WWC2: variants seen among roughly 807,000 people sequenced by gnomAD.
WWC2 encodes the protein WW and C2 domain containing 2.
In WWC2, 101 loss-of-function variants were observed where a neutral mutation model predicts 138.5. That is an observed-to-expected ratio of 0.73 (90% CI 0.62 to 0.86). The LOEUF (loss-of-function observed/expected upper bound fraction) is 0.86, where lower values mean the gene tolerates loss of function less well. Among genes scored for constraint, WWC2 ranks in the 40% least tolerant of loss-of-function variants. The probability of loss-of-function intolerance (pLI) is 0.00; values close to 1 mark genes in which losing one functional copy is unlikely to be tolerated. For synonymous variants in WWC2, 558 were observed against 538.4 expected (o/e 1.04, Z -0.50); for missense variants, 1,420 against 1,419.4 (o/e 1.00, Z -0.01).
At chr4:183,189,910 A>G (rs1284119964) in intron 1 of WWC2, among the ~76,000 whole-genome samples, 1 of 152,194 alleles carries the variant, frequency 6.6e-6, no homozygotes, top group Non-Finnish European at 1.5e-5. Context: ...GTGGCATCTC[A>G]TGTCGTAGGA....
At chr4:183,221,020 T>C (rs552615534) in intron 4 of WWC2, among the ~76,000 whole-genome samples, 3 of 152,226 alleles carry the variant, frequency 2.0e-5, no homozygotes, top group Admixed American at 2.0e-4. Context: ...GCAAAGATTA[T>C]CAGAATGGTT....
intron 19 of WWC2, 106 bp downstream of exon 19, chr4:183,284,496 A>G (rs1423376533): frequency 2.4e-6 from 3 of 1,256,600 alleles, no homozygotes; most frequent in East Asian, 4.7e-5. Context: ...AGTCCACATG[A>G]CAACGACAAA....
In WWC2 at chr4:183,164,389, TATATACATATATATTATATATA is replaced by T. The variant is rs1561444055; in HGVS notation, c.132-29204_132-29183del. 3.1e-3 allele frequency among the ~76,000 whole-genome samples: 5 copies of T among 1,620 alleles called. 1 individual carries two copies. The highest frequency in any genetic ancestry group is 4.9e-3 in the African/African-American group (5 of 1,030). 1.1% of individuals were successfully genotyped at this position (1,620 alleles called of 152,430 possible). Reference sequence around the variant, plus strand: ...ATATTATATATACATATATATATTATATATACATATATATTATATATAATATATATATTTTTATATATATTTT... The same window carrying T: ...ATATTATATATACATATATATATTATATATATATATTTTTATATATATTTT... On this transcript the variant is annotated intron_variant, in intron 1 of 22. Coordinates refer to ENST00000403733, the MANE Select transcript of WWC2 (RefSeq NM_024949.6).
At chr4:183,134,905 A>T (rs908899793) in intron 1 of WWC2, among the ~76,000 whole-genome samples, 7 of 152,096 alleles carry the variant, frequency 4.6e-5, no homozygotes, top group Non-Finnish European at 7.4e-5. Context: ...TATTTAAATT[A>T]AAAAAATCTA....
intron 14 of WWC2, among the ~76,000 whole-genome samples, chr4:183,267,829 C>T (rs1032250274): frequency 6.6e-6 from 1 of 152,184 alleles, no homozygotes; most frequent in African/African-American, 2.4e-5. Flanking sequence ...TCCTTAAACC[C>T]ACATGTAAAA....
chr4:183,303,175 G>C (rs1179925686), intron 21 of WWC2, among the ~76,000 whole-genome samples: 1 of 152,058 alleles, frequency 6.6e-6, no homozygotes, highest in African/African-American at 2.4e-5. Flanking sequence ...TCATTAAATG[G>C]ATATGTATTA....
chr4:183,247,622 AC>A lies in WWC2; in HGVS notation c.733-1091del, dbSNP rs1560864714. 1.6e-3 allele frequency among the ~76,000 whole-genome samples: 212 copies of A among 130,682 alleles called. 1 individual carries two copies. Among genetic ancestry groups the A allele is most frequent in the African/African-American group, 6.9e-3 (204 of 29,534 alleles). 85.7% of individuals were successfully genotyped at this position (130,682 alleles called of 152,430 possible). On this transcript the variant is annotated intron_variant, in intron 6 of 22. Coordinates refer to ENST00000403733, the MANE Select transcript of WWC2 (RefSeq NM_024949.6). ...TATATATGCTATATATACTATATATACTATATACTATATATACTATATATAC... is the reference window on the plus strand; with the variant it reads ...TATATATGCTATATATACTATATATATATATACTATATATACTATATATAC...
At chr4:183,148,911 C>T (rs1733552217) in intron 1 of WWC2, among the ~76,000 whole-genome samples, 1 of 151,758 alleles carries the variant, frequency 6.6e-6, no homozygotes, top group Admixed American at 6.6e-5. Context: ...AGAATTTTGA[C>T]TTTTTAAAGT....
At chr4:183,280,242 T>TG (rs1738022950) in intron 16 of WWC2, among the ~76,000 whole-genome samples, 1 of 148,178 alleles carries the variant, frequency 6.7e-6, no homozygotes, top group Non-Finnish European at 1.5e-5. Flanking sequence ...TTTTTTTTTT[T>TG]TTTTTTTTTT....
At chr4:183,199,221 G>A (rs1482583621) in intron 2 of WWC2, among the ~76,000 whole-genome samples, 3 of 152,202 alleles carry the variant, frequency 2.0e-5, no homozygotes, top group Non-Finnish European at 4.4e-5. Context: ...GCAGCTGAAG[G>A]CTGGTGTGAC....
At chr4:183,288,115 G>A (rs1263863595) in intron 20 of WWC2, among the ~76,000 whole-genome samples, 1 of 152,180 alleles carries the variant, frequency 6.6e-6, no homozygotes, top group Non-Finnish European at 1.5e-5. Context: ...TTTGTAGAGA[G>A]GAGAGGGTAC....
intron 4 of WWC2, among the ~76,000 whole-genome samples, chr4:183,218,523 A>C (rs1560848841): frequency 6.6e-6 from 1 of 152,220 alleles, no homozygotes; most frequent in Admixed American, 6.5e-5. Flanking sequence ...ATATCTTCTA[A>C]TCTAGGAAGA....
At chr4:183,262,447 G>C (rs759426080) in intron 11 of WWC2, among the ~76,000 whole-genome samples, 5 of 152,202 alleles carry the variant, frequency 3.3e-5, no homozygotes, top group Non-Finnish European at 7.3e-5. Flanking sequence ...ATTTTTATTT[G>C]TATGTATGGT....
chr4:183,268,811 A>G (rs1035924046), intron 14 of WWC2, among the ~76,000 whole-genome samples, 160 bp from the exon 15 acceptor site: 1 of 152,178 alleles, frequency 6.6e-6, no homozygotes, highest in Non-Finnish European at 1.5e-5. Context: ...CAGAGCATCT[A>G]TGCAGCTGAG....
chr4:183,282,890 C>G lies in WWC2; in HGVS notation c.2867C>G (p.Thr956Ser), dbSNP rs753270107. ...CAKDLRSQPP[T>S]RIPTLVDKET... ...AAAGACCTCAGAAGTCAGCCACCTACTAGAATACCAACACTGGTGACTATT... is the reference window on the plus strand; with the variant it reads ...AAAGACCTCAGAAGTCAGCCACCTAGTAGAATACCAACACTGGTGACTATT... Residue 956 changes from threonine to serine, a missense_variant, in exon 18 of 23, where the codon ACT becomes AGT. Thr to Ser is a moderately conservative substitution (Grantham distance 58, BLOSUM62 1). Transcript: ENST00000403733. 1 of 1,582,530 alleles carries G rather than the reference C, an allele frequency of 6.3e-7. No individual in the cohort carries two copies. Among genetic ancestry groups the G allele is most frequent in the East Asian group, 2.3e-5 (1 of 43,458 alleles).
At chr4:183,157,644 G>T (rs1172623463) in intron 1 of WWC2, among the ~76,000 whole-genome samples, 1 of 152,102 alleles carries the variant, frequency 6.6e-6, no homozygotes. Flanking sequence ...GGCATTACAG[G>T]TGCATGCCAC....
chr4:183,255,222 C>T (rs1391884805), intron 9 of WWC2, among the ~76,000 whole-genome samples: 2 of 152,208 alleles, frequency 1.3e-5, no homozygotes, highest in African/African-American at 4.8e-5. Context: ...TTCTTCCCTT[C>T]TTGTTCTGGC....
intron 1 of WWC2, among the ~76,000 whole-genome samples, chr4:183,143,819 G>A (rs764554691): frequency 5.4e-5 from 8 of 148,174 alleles, no homozygotes; most frequent in East Asian, 2.0e-4. Flanking sequence ...CCTCCTCCCC[G>A]CAAAAAAAAA....
At position 183,318,531 on chromosome 4, in the gene WWC2, A is replaced by C. The variant is rs1739520192; in HGVS notation, c.*2802A>C. 1 of 152,314 alleles carries C rather than the reference A, an allele frequency of 6.6e-6. No homozygotes were observed. The highest frequency in any genetic ancestry group is 2.4e-5 in the African/African-American group (1 of 41,346). The allele number at this position is 152,314 out of a possible 1,614,324, so 9.4% of individuals were successfully genotyped here. Reference sequence around the variant, plus strand: ...GCAAAAACAAAGCTACATATTGCCTAATACTCTATTTCAGTGTCGTTTATT... The same window carrying C: ...GCAAAAACAAAGCTACATATTGCCTCATACTCTATTTCAGTGTCGTTTATT... On this transcript the variant is annotated 3_prime_UTR_variant, in exon 23 of 23. Coordinates refer to ENST00000403733, the MANE Select transcript of WWC2 (RefSeq NM_024949.6).
Sources: allele counts gnomAD v4.1 joint callset (sites outside exome capture counted in the v4.1 genomes callset), GRCh38; gene constraint gnomAD v4.1.1; transcripts MANE v1.5; gene names NCBI Gene and HGNC (gene_info 2026-07-23, HGNC 2026-07-21).